ZNF124: variants seen among roughly 807,000 people sequenced by gnomAD.
The protein encoded by ZNF124 is zinc finger protein 124, also known as zinc finger protein HZF-16.
Under a neutral mutation model 26.6 loss-of-function variants are expected in ZNF124, and 25 were observed. The ratio of observed to expected loss-of-function variants is 0.94; its 90% CI spans 0.68 to 1.31. The LOEUF (loss-of-function observed/expected upper bound fraction) is 1.31, where lower values mean the gene tolerates loss of function less well. Ranked by LOEUF, ZNF124 falls within the 40% of genes most tolerant of loss-of-function variation. ZNF124 has a pLI of 0.00. For missense variants in ZNF124, 444 were observed against 422.2 expected, an observed-to-expected ratio of 1.05 and a Z score of -0.45; for synonymous variants, 129 against 133.3, an observed-to-expected ratio of 0.97 and a Z score of 0.22.
chr1:247,152,899 C>T (rs1279652839), downstream of ZNF124, among the ~76,000 whole-genome samples: 6 of 152,142 alleles, frequency 3.9e-5, no homozygotes, highest in South Asian at 8.3e-4. Context: ...TTTGGGAGGC[C>T]AAGGCGGGCG....
intron 3 of ZNF124, among the ~76,000 whole-genome samples, chr1:247,124,647 A>G (rs944702444): frequency 3.9e-5 from 6 of 152,016 alleles, no homozygotes; most frequent in Admixed American, 3.9e-4. Flanking sequence ...CTAATCTACT[A>G]ATCTACTTTC....
chr1:247,131,569 C>T (rs1672368957), intron 3 of ZNF124, among the ~76,000 whole-genome samples: 1 of 152,220 alleles, frequency 6.6e-6, no homozygotes, highest in South Asian at 2.1e-4. Context: ...GCACCCATTT[C>T]TATAGCTCCA....
chr1:247,152,900 A>G (rs758318075), downstream of ZNF124, among the ~76,000 whole-genome samples: 21 of 152,276 alleles, frequency 1.4e-4, no homozygotes, highest in East Asian at 1.5e-3. Flanking sequence ...TTGGGAGGCC[A>G]AGGCGGGCGG....
chr1:247,140,903 A>C (rs1365148029), intron 3 of ZNF124, among the ~76,000 whole-genome samples: 8 of 152,094 alleles, frequency 5.3e-5, no homozygotes, highest in Admixed American at 4.6e-4. Flanking sequence ...CTCCCACTTG[A>C]ATGCTGGCTA....
intron 3 of ZNF124, among the ~76,000 whole-genome samples, chr1:247,124,611 T>C (rs1208859068): frequency 6.6e-6 from 1 of 152,036 alleles, no homozygotes. Context: ...CCAACTCCTT[T>C]CCCCCCAGCC....
chr1:247,156,815 T>A lies in ZNF124; in HGVS notation c.807A>T (p.Lys269Asn), dbSNP rs1261586074. The A allele has an allele frequency of 6.2e-7, 1 of 1,614,170 alleles. No homozygotes were observed. The highest frequency in any genetic ancestry group is 1.3e-5 in the African/African-American group (1 of 75,046). The part of the protein sequence containing the change: ...EEPYPCKQCG[K>N]AFRYASSLQK... ...GAAGGGAACTGGCGTATCTGAAGGCTTTCCCACATTGCTTACATGGATAGG... is the reference window on the plus strand; with the variant it reads ...GAAGGGAACTGGCGTATCTGAAGGCATTCCCACATTGCTTACATGGATAGG... The change falls in exon 4 of 4, where the codon AAA (lysine) becomes AAT (asparagine). Residue 269 changes from lysine (K) to asparagine (N), a missense_variant. Physicochemically the swap from Lys to Asn is moderately conservative, Grantham distance 94. Coordinates refer to ENST00000543802, the MANE Select transcript of ZNF124 (RefSeq NM_001297568.2).
At position 247,168,309 on chromosome 1, in the gene ZNF124, A is replaced by G. The variant is rs1343055918; in HGVS notation, c.30+3539T>C. On this transcript the variant is annotated intron_variant, in intron 1 of 3. Coordinates refer to ENST00000543802, the MANE Select transcript of ZNF124 (RefSeq NM_001297568.2). The surrounding 1 kb of genome is among the most constrained non-coding windows in gnomAD (Gnocchi z 4.0). ...TTTGGGAGGCTGAGGCAGGTGGATA[A>G]CCTGACATCAGGAGTTCGATACCAG... Among the ~76,000 whole-genome samples the G allele has an allele frequency of 6.6e-6, 1 of 152,090 alleles. No homozygotes were observed. Among genetic ancestry groups the G allele is most frequent in the Non-Finnish European group, 1.5e-5 (1 of 68,012 alleles).
At chr1:247,167,739 C>T (rs2103137589) in intron 1 of ZNF124, among the ~76,000 whole-genome samples, 1 of 152,274 alleles carries the variant, frequency 6.6e-6, no homozygotes, top group South Asian at 2.1e-4. Flanking sequence ...AATTAAAAAG[C>T]TTCTGCACAA....
chr1:247,157,392 G>A lies in ZNF124; in HGVS notation c.230C>T (p.Ser77Phe). The change falls in exon 4 of 4, where the codon TCT becomes TTT. Residue 77 changes from serine to phenylalanine, a missense_variant. Ser to Phe is a radical substitution (Grantham distance 155, BLOSUM62 -2). Transcript: ENST00000543802. ...NSSRNLRHIISHSGNNPYGCE... is the reference protein window; with the variant it reads ...NSSRNLRHIIFHSGNNPYGCE... ...CCCATATGGGTTGTTTCCAGAATGAGATATGATGTGCCTATGAAGGGATGA... is the reference window on the plus strand; with the variant it reads ...CCCATATGGGTTGTTTCCAGAATGAAATATGATGTGCCTATGAAGGGATGA... 1.9e-5 allele frequency: 30 copies of A among 1,552,370 alleles called. No homozygotes were observed. Among genetic ancestry groups the A allele is most frequent in the Non-Finnish European group, 2.6e-5 (30 of 1,147,234 alleles).
chr1:247,156,459 T>G lies in ZNF124; in HGVS notation c.*107A>C, dbSNP rs187091735. ...TCCAGTTTGATTCGTTTCATGTATT[T>G]GAGGAAATCTGGGAAAATTAAGTAC... On this transcript the variant is annotated 3_prime_UTR_variant, in exon 4 of 4. Coordinates refer to ENST00000543802, the MANE Select transcript of ZNF124 (RefSeq NM_001297568.2). The G allele has an allele frequency of 5.2e-6, 7 of 1,344,174 alleles. No homozygotes were observed. In the African/African-American group the frequency reaches 9.1e-5, roughly 18 times the overall value. 83.3% of individuals were successfully genotyped at this position (1,344,174 alleles called of 1,614,324 possible).
At chr1:247,162,337 C>T (rs1389671403) in intron 1 of ZNF124, among the ~76,000 whole-genome samples, 2 of 152,102 alleles carry the variant, frequency 1.3e-5, no homozygotes, top group African/African-American at 4.8e-5. Context: ...AGAAACAAAA[C>T]CAATCGTATG....
chr1:247,166,099 A>G (rs1468848637), intron 1 of ZNF124, among the ~76,000 whole-genome samples: 1 of 152,224 alleles, frequency 6.6e-6, no homozygotes, highest in Non-Finnish European at 1.5e-5. Context: ...TGACTGCTTG[A>G]GCCCAGGAGG....
In ZNF124 at chr1:247,168,632, A is replaced by G. The variant is rs1381872700; in HGVS notation, c.30+3216T>C. On this transcript the variant is annotated intron_variant, in intron 1 of 3. Coordinates refer to ENST00000543802, the MANE Select transcript of ZNF124 (RefSeq NM_001297568.2). This position sits in a 1 kb window ranked among gnomAD's most constrained non-coding sequence, Gnocchi z 4.0. ...TGAAACAAACCTAAAATGCCCATCA[A>G]CCAATGAGGGGATAAAGAAAATGTG... is the stretch of plus-strand genomic sequence containing the variant. 2.6e-5 allele frequency among the ~76,000 whole-genome samples: 4 copies of G among 152,378 alleles called. No individual in the cohort carries two copies. The highest frequency in any genetic ancestry group is 5.9e-5 in the Non-Finnish European group (4 of 68,044).
downstream of ZNF124, among the ~76,000 whole-genome samples, chr1:247,153,605 G>A (rs529718856): frequency 6.6e-6 from 1 of 152,196 alleles, no homozygotes; most frequent in Admixed American, 6.5e-5. Context: ...TAAAGTTACA[G>A]GTTTCAGGTA....
intron 3 of ZNF124, among the ~76,000 whole-genome samples, chr1:247,140,204 TCTGA>T (rs765422384): frequency 6.6e-6 from 1 of 152,226 alleles, no homozygotes; most frequent in Non-Finnish European, 1.5e-5. Context: ...TTTTAATTTT[TCTGA>T]CTGTCTTATT....
At position 247,156,215 on chromosome 1, in the gene ZNF124, G is replaced by A. The variant is rs909070991; in HGVS notation, c.*351C>T. ...TGTGTTACCATGTGTCTCTGAGTGA[G>A]TTATAGGATAAATGAAGGCATTCTC... On this transcript the variant is annotated 3_prime_UTR_variant, in exon 4 of 4. Transcript: ENST00000543802. 3.0e-6 allele frequency: 3 copies of A among 1,008,972 alleles called. No homozygotes were observed. In the African/African-American group the frequency reaches 5.2e-5, roughly 17 times the overall value. The allele number at this position is 1,008,972 out of a possible 1,614,324, so 62.5% of individuals were successfully genotyped here.
exon 4 of ZNF124, chr1:247,123,589 A>T: frequency 2.3e-6 from 1 of 438,212 alleles, no homozygotes; most frequent in East Asian, 3.4e-5. Context: ...TCCTCAGGTT[A>T]TTCCAAGTTC....
At chr1:247,136,945 C>CA (rs112254966) in intron 3 of ZNF124, among the ~76,000 whole-genome samples, 3,298 of 124,464 alleles carry the variant, frequency 0.026, 53 homozygotes, top group Middle Eastern at 0.059. Context: ...AGACCCATCT[C>CA]AAAAAAAAAA....
At chr1:247,124,708 A>G (rs1672166165) in intron 3 of ZNF124, among the ~76,000 whole-genome samples, 1 of 152,140 alleles carries the variant, frequency 6.6e-6, no homozygotes, top group Non-Finnish European at 1.5e-5. Flanking sequence ...AAATCACGCA[A>G]TATGTGGGGT....
Sources: allele counts gnomAD v4.1 joint callset (sites outside exome capture counted in the v4.1 genomes callset), GRCh38; gene constraint gnomAD v4.1.1; non-coding constraint Gnocchi (gnomAD v3.1); transcripts MANE v1.5; gene names NCBI Gene and HGNC (gene_info 2026-07-23, HGNC 2026-07-21).